Variants in GLRB observed in about 807,000 individuals in gnomAD.
GLRB encodes glycine receptor subunit beta.
A neutral mutation model predicts 54.2 loss-of-function variants in GLRB; 33 were observed. The observed-to-expected ratio is 0.61, with a 90% CI of 0.46 to 0.81. The LOEUF (loss-of-function observed/expected upper bound fraction) is 0.81. GLRB is among the 40% of genes least tolerant of loss of function. The pLI, the probability that GLRB is intolerant of heterozygous loss-of-function variation, is 0.00. For synonymous variants in GLRB, 209 were observed against 208.2 expected (o/e 1.00, Z -0.03); for missense variants, 572 against 584.6 (o/e 0.98, Z 0.22).
intron 1 of GLRB, among the ~76,000 whole-genome samples, chr4:157,077,139 G>A (rs1734068521): frequency 1.3e-5 from 2 of 152,168 alleles, no homozygotes; most frequent in South Asian, 4.2e-4. Flanking sequence ...AGAAGAGTTT[G>A]AACTTCTCTA....
At chr4:157,132,346 T>C (rs1475711761) in intron 4 of GLRB, among the ~76,000 whole-genome samples, 1 of 151,850 alleles carries the variant, frequency 6.6e-6, no homozygotes, top group Non-Finnish European at 1.5e-5. Flanking sequence ...GCTTGACCCC[T>C]GAATTATTTG....
chr4:157,162,743 C>G lies in GLRB; in HGVS notation c.1198-7689C>G, dbSNP rs138422798. Among the ~76,000 whole-genome samples the G allele has an allele frequency of 6.1e-3, 928 of 152,284 alleles. 21 individuals are homozygous for G. The East Asian group carries it at 0.1, about 17-fold the overall frequency. ...CGGCTGTATGAGGTGTCAGTTGGCCCCTACTGTGAGATGTCTCCCAGTTAG... is the reference window on the plus strand; with the variant it reads ...CGGCTGTATGAGGTGTCAGTTGGCCGCTACTGTGAGATGTCTCCCAGTTAG... On this transcript the variant is annotated intron_variant, in intron 9 of 9. Coordinates refer to ENST00000264428, the MANE Select transcript of GLRB (RefSeq NM_000824.5).
At chr4:157,131,757 T>G (rs766533731) in intron 4 of GLRB, among the ~76,000 whole-genome samples, 2 of 151,848 alleles carry the variant, frequency 1.3e-5, no homozygotes, top group African/African-American at 2.4e-5. Context: ...ATGGCTTGAT[T>G]GTTCAGTTCT....
intron 9 of GLRB, among the ~76,000 whole-genome samples, chr4:157,166,286 C>T (rs760805687): frequency 3.3e-5 from 5 of 151,898 alleles, no homozygotes; most frequent in African/African-American, 4.8e-5. Flanking sequence ...GTTAATATAG[C>T]CAAATTCGCT....
chr4:157,156,882 A>G (rs1737248731), intron 9 of GLRB, among the ~76,000 whole-genome samples: 6 of 152,168 alleles, frequency 3.9e-5, no homozygotes, highest in Admixed American at 3.9e-4. Context: ...TTGATATTAT[A>G]TTATGAGACT....
At chr4:157,107,115 A>T (rs1286917833) in intron 2 of GLRB, among the ~76,000 whole-genome samples, 1 of 152,070 alleles carries the variant, frequency 6.6e-6, no homozygotes, top group African/African-American at 2.4e-5. Context: ...CCCACATAAG[A>T]GTGCAAATTT....
chr4:157,085,805 C>T (rs1437743212), intron 2 of GLRB, among the ~76,000 whole-genome samples: 3 of 152,086 alleles, frequency 2.0e-5, no homozygotes, highest in Non-Finnish European at 4.4e-5. Context: ...CCTGTATTTT[C>T]ATGTTGTTAT....
At chr4:157,165,090 TA>T in intron 9 of GLRB, among the ~76,000 whole-genome samples, 2 of 152,216 alleles carry the variant, frequency 1.3e-5, no homozygotes, top group East Asian at 1.9e-4. Context: ...AAATTACTTT[TA>T]TTCTTTACAG....
chr4:157,085,214 T>G (rs1462963771), intron 2 of GLRB, among the ~76,000 whole-genome samples: 1 of 152,142 alleles, frequency 6.6e-6, no homozygotes, highest in African/African-American at 2.4e-5. Context: ...GTTCAATTTT[T>G]TTTTCACTAC....
chr4:157,090,775 A>G (rs1035917679), intron 2 of GLRB, among the ~76,000 whole-genome samples: 1 of 152,150 alleles, frequency 6.6e-6, no homozygotes, highest in Admixed American at 6.5e-5. Context: ...GACATATTTT[A>G]TTATACAACA....
At chr4:157,137,930 T>C (rs1736465072) in intron 6 of GLRB, among the ~76,000 whole-genome samples, 1 of 152,206 alleles carries the variant, frequency 6.6e-6, no homozygotes, top group Admixed American at 6.5e-5. Context: ...ATTCTTTAAA[T>C]TGTAGCCACA....
intron 6 of GLRB, among the ~76,000 whole-genome samples, chr4:157,137,776 T>A (rs1028790753): frequency 2.0e-5 from 3 of 152,226 alleles, no homozygotes; most frequent in African/African-American, 7.2e-5. Flanking sequence ...GTATTGTATA[T>A]GAGTGCCTGC....
At chr4:157,109,114 A>C (rs1171822857) in intron 2 of GLRB, among the ~76,000 whole-genome samples, 1 of 152,086 alleles carries the variant, frequency 6.6e-6, no homozygotes. Context: ...AAACCAAAAC[A>C]TTTGTATGAC....
At chr4:157,129,165 A>G (rs911101533) in intron 4 of GLRB, among the ~76,000 whole-genome samples, 6 of 151,738 alleles carry the variant, frequency 4.0e-5, no homozygotes, top group Non-Finnish European at 8.8e-5. Flanking sequence ...ATTTTTTCAG[A>G]TAATGATTAA....
intron 4 of GLRB, among the ~76,000 whole-genome samples, chr4:157,123,443 G>A (rs1735905290): frequency 6.6e-6 from 1 of 151,720 alleles, no homozygotes; most frequent in Non-Finnish European, 1.5e-5. Flanking sequence ...TAATTGTGAT[G>A]AGAGTGTTAT....
At chr4:157,110,297 A>T (rs1371573868) in intron 2 of GLRB, among the ~76,000 whole-genome samples, 2 of 151,934 alleles carry the variant, frequency 1.3e-5, no homozygotes, top group Non-Finnish European at 2.9e-5. Flanking sequence ...ATTATAAGTT[A>T]CATTATCACA....
At chr4:157,106,680 GC>G (rs1040958962) in intron 2 of GLRB, among the ~76,000 whole-genome samples, 1 of 151,866 alleles carries the variant, frequency 6.6e-6, no homozygotes, top group Non-Finnish European at 1.5e-5. Flanking sequence ...CTGGCACTCA[GC>G]CCTCTAGGTT....
intron 4 of GLRB, among the ~76,000 whole-genome samples, chr4:157,132,547 C>A (rs1355350810): frequency 2.0e-5 from 3 of 151,770 alleles, no homozygotes; most frequent in Non-Finnish European, 4.4e-5. Context: ...ACAGCCTTTC[C>A]TGATCGCTGG....
In GLRB at chr4:157,136,819, T is replaced by G; in HGVS notation, c.543T>G (p.Leu181=). Residue 181 remains leucine (L), a synonymous_variant, in exon 6 of 10, where the codon CTT becomes CTG. Transcript: ENST00000264428. The part of the protein sequence containing the change: ...VLVSMRLSIT[L]SCPLDLTLFP... ...CTGCTTCCAGGTTATCTATTACTCT[T>G]TCATGCCCTTTGGACTTGACATTGT... 1 of 1,608,988 alleles carries G rather than the reference T, an allele frequency of 6.2e-7. No individual in the cohort carries two copies. Among genetic ancestry groups the G allele is most frequent in the Non-Finnish European group, 8.5e-7 (1 of 1,175,346 alleles).
Sources: gnomAD v4.1 joint callset for allele counts (sites outside exome capture counted in the v4.1 genomes callset) on GRCh38, gnomAD v4.1.1 for gene constraint, MANE v1.5 for transcripts, NCBI Gene and HGNC (gene_info 2026-07-23, HGNC 2026-07-21) for gene names.